The following OPCML variants were observed in gnomAD, a reference collection of about 807,000 sequenced individuals.
OPCML encodes the protein opioid binding protein/cell adhesion molecule like.
In OPCML, 13 loss-of-function variants were observed where a neutral mutation model predicts 37.8. The observed-to-expected ratio is 0.34, with a 90% CI of 0.22 to 0.55. OPCML has a LOEUF of 0.55. OPCML is among the 20% of genes least tolerant of loss of function. The probability of loss-of-function intolerance (pLI) is 0.91; values close to 1 mark genes in which losing one functional copy is unlikely to be tolerated. For missense variants in OPCML, 341 were observed against 435.6 expected (o/e 0.78, Z 1.93); for synonymous variants, 176 against 168.8 (o/e 1.04, Z -0.33).
At chr11:132,614,283 C>T (rs1427894106) in intron 3 of OPCML, among the ~76,000 whole-genome samples, 1 of 152,128 alleles carries the variant, frequency 6.6e-6, no homozygotes, top group Non-Finnish European at 1.5e-5. Context: ...TCAGATTTTC[C>T]TGAGCCTGAA....
In OPCML at chr11:132,416,044, G is replaced by A. The variant is rs1036830067; in HGVS notation, c.*4149C>T. On this transcript the variant is annotated 3_prime_UTR_variant, in exon 8 of 8. Coordinates refer to ENST00000524381, the MANE Select transcript of OPCML (RefSeq NM_001012393.5). ...GAATAATAGGAGGGGAGGCAATTGG[G>A]TATAAGAGTTTCCAAGATAAGGTCA... 1 of 152,564 alleles carries A rather than the reference G, an allele frequency of 6.6e-6. No homozygotes were observed. The highest frequency in any genetic ancestry group is 2.4e-5 in the African/African-American group (1 of 41,432). The allele number at this position is 152,564 out of a possible 1,614,324, so 9.5% of individuals were successfully genotyped here. A position where few individuals can be genotyped will look rare whatever the true frequency, so the allele number is the denominator to read the frequency against.
intron 3 of OPCML, among the ~76,000 whole-genome samples, chr11:132,622,564 G>A (rs1012742274): frequency 4.6e-5 from 7 of 152,158 alleles, no homozygotes; most frequent in African/African-American, 1.4e-4. Context: ...AGCCTGATGT[G>A]GGTCAGGAGG....
chr11:132,630,742 C>G (rs1470618113), intron 3 of OPCML, among the ~76,000 whole-genome samples: 2 of 152,228 alleles, frequency 1.3e-5, no homozygotes, highest in East Asian at 3.9e-4. Flanking sequence ...CACCATCTAT[C>G]TCTACCATGA....
At chr11:133,255,396 G>T (rs1941279492) in intron 1 of OPCML, among the ~76,000 whole-genome samples, 1 of 151,976 alleles carries the variant, frequency 6.6e-6, no homozygotes, top group African/African-American at 2.4e-5. Flanking sequence ...GGGTTTATTT[G>T]GTTTTCCTTC....
intron 1 of OPCML, among the ~76,000 whole-genome samples, chr11:133,084,901 CAT>C (rs1948796051): frequency 6.6e-6 from 1 of 152,142 alleles, no homozygotes; most frequent in Non-Finnish European, 1.5e-5. Context: ...AAAATACTGA[CAT>C]CAAAAGCCTC....
chr11:133,037,888 G>A (rs533086791), intron 1 of OPCML, among the ~76,000 whole-genome samples: 1 of 152,184 alleles, frequency 6.6e-6, no homozygotes, highest in Non-Finnish European at 1.5e-5. Flanking sequence ...CTAACTGAGC[G>A]TCTCTCACAC....
chr11:133,427,780 C>A (rs559322926), intron 1 of OPCML, among the ~76,000 whole-genome samples: 1 of 151,950 alleles, frequency 6.6e-6, no homozygotes, highest in South Asian at 2.1e-4. Flanking sequence ...AATAAATTAT[C>A]AAAAAAGTTT....
intron 1 of OPCML, among the ~76,000 whole-genome samples, chr11:133,058,844 T>A (rs969196770): frequency 6.6e-6 from 1 of 152,164 alleles, no homozygotes; most frequent in Non-Finnish European, 1.5e-5. Context: ...AGTCAATAGA[T>A]AGAAGTAACT....
At chr11:133,001,399 A>G (rs1591898537) in intron 1 of OPCML, among the ~76,000 whole-genome samples, 1 of 152,338 alleles carries the variant, frequency 6.6e-6, no homozygotes, top group African/African-American at 2.4e-5. Context: ...AACTGATAGA[A>G]GGAATCTCAG....
intron 1 of OPCML, among the ~76,000 whole-genome samples, chr11:133,434,815 TATATATATACACACAC>T (rs1193490430): frequency 6.0e-5 from 8 of 133,978 alleles, no homozygotes; most frequent in Non-Finnish European, 1.1e-4. Flanking sequence ...TATATATATA[TATATATATACACACAC>T]ATATATATAT....
Position 133,250,900 on chromosome 11 carries a change from A to G in OPCML, c.61+281364T>C, listed in dbSNP as rs79926309. Among the ~76,000 whole-genome samples the G allele has an allele frequency of 2.2e-3, 329 of 152,176 alleles. 1 individual carries two copies. The highest frequency in any genetic ancestry group is 7.6e-3 in the African/African-American group (317 of 41,540). ...AGTTGCCAGTCCTGAAATGCCTCCC[A>G]TTCCCCTTCACATTTCTGCTGCACC... On this transcript the variant is annotated intron_variant, in intron 1 of 7. Transcript: ENST00000524381.
intron 1 of OPCML, among the ~76,000 whole-genome samples, chr11:133,147,750 G>T (rs1007750013): frequency 6.6e-6 from 1 of 152,132 alleles, no homozygotes; most frequent in Non-Finnish European, 1.5e-5. Flanking sequence ...GACAGGTCCT[G>T]GTTGTACAAA....
intron 1 of OPCML, among the ~76,000 whole-genome samples, chr11:133,415,756 T>C (rs1018378265): frequency 5.3e-5 from 8 of 152,178 alleles, no homozygotes; most frequent in Non-Finnish European, 1.2e-4. Flanking sequence ...ATCGCATGAA[T>C]CCTCAAAATC....
intron 2 of OPCML, among the ~76,000 whole-genome samples, chr11:132,668,412 C>A (rs1215104656): frequency 6.6e-6 from 1 of 152,208 alleles, no homozygotes; most frequent in Admixed American, 6.5e-5. Context: ...CTAAGATAAG[C>A]ATTTTGTTTA....
At chr11:132,923,416 C>G (rs886348596) in intron 2 of OPCML, among the ~76,000 whole-genome samples, 1 of 152,076 alleles carries the variant, frequency 6.6e-6, no homozygotes, top group South Asian at 2.1e-4. Context: ...GGCCTATAAA[C>G]CATTGAGACA....
At chr11:132,558,007 ACACGG>A (rs2096399816) in intron 3 of OPCML, among the ~76,000 whole-genome samples, 1 of 147,182 alleles carries the variant, frequency 6.8e-6, no homozygotes, top group Admixed American at 7.2e-5. Flanking sequence ...ACACATACAC[ACACGG>A]TGTTACTTAG....
intron 1 of OPCML, among the ~76,000 whole-genome samples, chr11:133,346,862 G>T (rs1944013969): frequency 6.6e-6 from 1 of 152,050 alleles, no homozygotes; most frequent in South Asian, 2.1e-4. Context: ...TTGTTTTGTT[G>T]TTTCTGTGTG....
chr11:132,642,161 C>T (rs752963397), intron 3 of OPCML, among the ~76,000 whole-genome samples: 3 of 152,044 alleles, frequency 2.0e-5, no homozygotes, highest in African/African-American at 7.2e-5. Flanking sequence ...TAAGTAATAT[C>T]GATGCTGGGA....
chr11:132,558,569 A>G (rs1416981437), intron 3 of OPCML, among the ~76,000 whole-genome samples: 1 of 140,530 alleles, frequency 7.1e-6, no homozygotes, highest in Admixed American at 7.6e-5. Context: ...ATATTAAGCC[A>G]GTAACAAGAA....
Sources: allele counts gnomAD v4.1 joint callset (sites outside exome capture counted in the v4.1 genomes callset), GRCh38; gene constraint gnomAD v4.1.1; transcripts MANE v1.5; gene names NCBI Gene and HGNC (gene_info 2026-07-23, HGNC 2026-07-21).